COLEC11: variants seen among roughly 807,000 people sequenced by gnomAD.
COLEC11 encodes the protein collectin-11.
A neutral mutation model predicts 27.3 loss-of-function variants in COLEC11; 20 were observed. The observed-to-expected ratio is 0.73, with a 90% CI of 0.51 to 1.06. COLEC11 has a LOEUF of 1.06. COLEC11 is among the 50% of genes least tolerant of loss of function. The pLI, the probability that COLEC11 is intolerant of heterozygous loss-of-function variation, is 0.00. For missense variants in COLEC11, 310 were observed against 383.0 expected (o/e 0.81, Z 1.59); for synonymous variants, 163 against 154.7 (o/e 1.05, Z -0.40).
chr2:3,640,435 C>G, intron 5 of COLEC11, 104 bp downstream of exon 5: 2 of 723,870 alleles, frequency 2.8e-6, no homozygotes, highest in East Asian at 5.4e-5. Flanking sequence ...TGGACACCCA[C>G]CCCTGTCACA....
intron 4 of COLEC11, among the ~76,000 whole-genome samples, chr2:3,639,943 C>A (rs1481711588): frequency 6.6e-6 from 1 of 152,030 alleles, no homozygotes; most frequent in Non-Finnish European, 1.5e-5. Flanking sequence ...AGGTCGGGTG[C>A]TGCTGTTGGG....
chr2:3,620,203 C>T (rs1320858357), intron 3 of COLEC11, among the ~76,000 whole-genome samples: 3 of 151,796 alleles, frequency 2.0e-5, no homozygotes, highest in Non-Finnish European at 2.9e-5. Context: ...GGCCTTTCTT[C>T]GATTGGAGAT....
intron 1 of COLEC11, among the ~76,000 whole-genome samples, chr2:3,595,491 C>T (rs1360695449): frequency 6.6e-6 from 1 of 152,206 alleles, no homozygotes; most frequent in Admixed American, 6.5e-5. Context: ...AAACAGTCTT[C>T]GCTAATTCCA....
intron 2 of COLEC11, among the ~76,000 whole-genome samples, chr2:3,606,855 G>A (rs1476011238): frequency 1.3e-5 from 2 of 152,316 alleles, no homozygotes; most frequent in Non-Finnish European, 2.9e-5. Flanking sequence ...CCCCAGGGTC[G>A]CTGGAGGTCA....
At chr2:3,632,202 G>T (rs2147940018) in intron 3 of COLEC11, among the ~76,000 whole-genome samples, 1 of 152,332 alleles carries the variant, frequency 6.6e-6, no homozygotes, top group Non-Finnish European at 1.5e-5. Flanking sequence ...TGAGATTTGG[G>T]GCCAGGCCTG....
At chr2:3,615,620 G>A (rs993201208) in intron 3 of COLEC11, among the ~76,000 whole-genome samples, 15 of 152,196 alleles carry the variant, frequency 9.9e-5, no homozygotes, top group African/African-American at 2.7e-4. Context: ...AACCGCCATC[G>A]TCATCATGGC....
chr2:3,636,184 G>T (rs571668612), intron 3 of COLEC11, among the ~76,000 whole-genome samples: 3 of 152,084 alleles, frequency 2.0e-5, no homozygotes, highest in Middle Eastern at 3.4e-3. Flanking sequence ...ACCGCCGGGC[G>T]CAGTGGCTCA....
chr2:3,604,513 G>C, intron 2 of COLEC11, 43 bp downstream of exon 2: 1 of 1,607,596 alleles, frequency 6.2e-7, no homozygotes, highest in South Asian at 1.1e-5. Flanking sequence ...AGTGGCCTCC[G>C]GGCCAGCTGA....
intron 3 of COLEC11, among the ~76,000 whole-genome samples, chr2:3,627,411 TGG>T (rs1664638985): frequency 6.9e-6 from 1 of 145,072 alleles, no homozygotes; most frequent in African/African-American, 2.6e-5. Flanking sequence ...GGCACGACGA[TGG>T]GCACAACGAT....
rs1335494618 is a variant in COLEC11 at position 3,640,268 on chromosome 2, T to A, written c.275-10T>A. 6.3e-7 allele frequency: 1 copy of A among 1,583,088 alleles called. No individual in the cohort carries two copies. Reference sequence around the variant, plus strand: ...TGCCTGGTGACTTGGACCTTGTTTTTTATTTTCAGGTGAGAAAGGAGATTC... The same window carrying A: ...TGCCTGGTGACTTGGACCTTGTTTTATATTTTCAGGTGAGAAAGGAGATTC... On this transcript the variant is annotated splice_polypyrimidine_tract_variant and intron_variant, in intron 4 of 6. Transcript: ENST00000349077.
At chr2:3,595,309 G>C (rs957457376) in intron 1 of COLEC11, 141 bp downstream of exon 1, 4 of 181,706 alleles carry the variant, frequency 2.2e-5, no homozygotes, top group African/African-American at 7.2e-5. Context: ...CTAGATCCAG[G>C]CAAAAGATTG....
At position 3,640,311 on chromosome 2, in the gene COLEC11, C is replaced by G; in HGVS notation, c.308C>G (p.Pro103Arg). ...GGAGATTCCGGTGACATAGGACCCC[C>G]TGGTCCTAATGGAGAACCAGGTATG... The part of the protein sequence containing the change: ...EKGDSGDIGP[P>R]GPNGEPGLPC... The change falls in exon 5 of 7, where the codon CCT becomes CGT. Residue 103 changes from proline to arginine, a missense_variant. Physicochemically the swap from Pro to Arg is moderately radical, Grantham distance 103. Coordinates refer to ENST00000349077, the MANE Select transcript of COLEC11 (RefSeq NM_024027.5). 6.3e-7 allele frequency: 1 copy of G among 1,597,080 alleles called. No homozygotes were observed. Among genetic ancestry groups the G allele is most frequent in the Non-Finnish European group, 8.6e-7 (1 of 1,164,590 alleles).
At chr2:3,623,432 G>A (rs546940219) in intron 3 of COLEC11, among the ~76,000 whole-genome samples, 19 of 152,044 alleles carry the variant, frequency 1.2e-4, no homozygotes, top group African/African-American at 3.6e-4. Flanking sequence ...GTGAATGTTA[G>A]CTTTCTTGAT....
intron 2 of COLEC11, chr2:3,606,120 C>T (rs1662671410): frequency 6.4e-7 from 1 of 1,550,612 alleles, no homozygotes; most frequent in South Asian, 1.2e-5. Flanking sequence ...TGAGTGGAAC[C>T]TTCAGCTTTA....
intron 3 of COLEC11, among the ~76,000 whole-genome samples, chr2:3,615,657 C>T (rs1029939656): frequency 6.6e-6 from 1 of 152,258 alleles, no homozygotes; most frequent in Admixed American, 6.5e-5. Flanking sequence ...GTGGGGTACA[C>T]CTCCCAGACG....
Position 3,630,100 on chromosome 2 carries a change from C to T in COLEC11, c.203-7433C>T, listed in dbSNP as rs1022611847. On this transcript the variant is annotated intron_variant, in intron 3 of 6. Transcript: ENST00000349077. ...GTTAATATGTGTATGTTTGCATGCA[C>T]ATGTATGTATGTGGAGGTGAATGCA... is the stretch of plus-strand genomic sequence containing the variant. Among the ~76,000 whole-genome samples the T allele has an allele frequency of 2.1e-4, 31 of 148,476 alleles. 3 individuals are homozygous for T. Among genetic ancestry groups the T allele is most frequent in the South Asian group, 2.2e-4 (1 of 4,496 alleles).
chr2:3,609,069 C>T (rs1290961167), intron 2 of COLEC11, among the ~76,000 whole-genome samples: 1 of 152,210 alleles, frequency 6.6e-6, no homozygotes, highest in East Asian at 1.9e-4. Context: ...GCCTGCTGCC[C>T]AGCACTGGCT....
chr2:3,615,288 C>T (rs918756657), intron 3 of COLEC11, among the ~76,000 whole-genome samples: 1 of 152,170 alleles, frequency 6.6e-6, no homozygotes, highest in Non-Finnish European at 1.5e-5. Context: ...ACCCTGCGGC[C>T]ATCCGCAGTG....
chr2:3,639,782 C>T (rs1244395857), intron 4 of COLEC11, among the ~76,000 whole-genome samples: 1 of 152,154 alleles, frequency 6.6e-6, no homozygotes, highest in Non-Finnish European at 1.5e-5. Context: ...GGCATCTGGG[C>T]CCTCCAGGAC....
Sources: gnomAD v4.1 joint callset for allele counts (sites outside exome capture counted in the v4.1 genomes callset) on GRCh38, gnomAD v4.1.1 for gene constraint, MANE v1.5 for transcripts, NCBI Gene and HGNC (gene_info 2026-07-23, HGNC 2026-07-21) for gene names.